ANPEP: variants seen among roughly 807,000 people sequenced by gnomAD.
ANPEP encodes alanyl aminopeptidase, membrane, also known as aminopeptidase N.
ANPEP carries 70 observed loss-of-function variants against 114.6 expected under a neutral mutation model. The observed-to-expected ratio is 0.61, with a 90% CI of 0.50 to 0.75. ANPEP has a LOEUF of 0.75. ANPEP is among the 30% of genes least tolerant of loss of function. The pLI is 0.00. For missense variants in ANPEP, 1,184 were observed against 1,259.5 expected, an observed-to-expected ratio of 0.94 and a Z score of 0.91; for synonymous variants, 548 against 522.3, an observed-to-expected ratio of 1.05 and a Z score of -0.67.
intron 4 of ANPEP, 56 bp from the exon 5 acceptor site, chr15:89,804,673 TG>T: frequency 6.3e-7 from 1 of 1,591,038 alleles, no homozygotes; most frequent in Non-Finnish European, 8.6e-7. Context: ...CTGGGGCAGG[TG>T]GGCTGGGTCC....
chr15:89,798,971 A>G (rs370719220), intron 14 of ANPEP, among the ~76,000 whole-genome samples: 35 of 144,106 alleles, frequency 2.4e-4, no homozygotes, highest in African/African-American at 7.5e-4. Flanking sequence ...AACAAACAAA[A>G]ACAAAAACAA....
Position 89,804,536 on chromosome 15 carries a change from A to G in ANPEP, c.979T>C (p.Phe327Leu), listed in dbSNP as rs200899610. The part of the protein sequence containing the change: ...ALNVTGPILN[F>L]FAGHYDTPYP... ...GGTGTGTCATAATGACCAGCAAAGAAGTTAAGGATGGGGCCCGTCACGTTC... is the reference window on the plus strand; with the variant it reads ...GGTGTGTCATAATGACCAGCAAAGAGGTTAAGGATGGGGCCCGTCACGTTC... Residue 327 changes from phenylalanine (F) to leucine (L), a missense_variant, in exon 5 of 21, where the codon TTC becomes CTC. By Grantham distance (22) the Phe-to-Leu change is conservative. Coordinates refer to ENST00000300060, the MANE Select transcript of ANPEP (RefSeq NM_001150.3). The G allele has an allele frequency of 7.8e-5, 126 of 1,614,166 alleles. 2 individuals carry two copies. In the East Asian group the frequency reaches 2.8e-3, roughly 36 times the overall value.
At chr15:89,801,356 G>T in intron 11 of ANPEP, 79 bp downstream of exon 11, 1 of 1,572,970 alleles carries the variant, frequency 6.4e-7, no homozygotes, top group Non-Finnish European at 8.7e-7. Context: ...ACCACAGGAG[G>T]CCAGTCCTAC....
At chr15:89,790,926 T>C in intron 19 of ANPEP, 27 bp downstream of exon 19, 1 of 1,611,084 alleles carries the variant, frequency 6.2e-7, no homozygotes, top group African/African-American at 1.3e-5. Flanking sequence ...GCGCTCGCTG[T>C]CCCTGACACC....
intron 19 of ANPEP, 134 bp from the exon 20 acceptor site, chr15:89,790,675 G>T (rs1596160567): frequency 3.6e-6 from 3 of 840,558 alleles, no homozygotes; most frequent in Non-Finnish European, 5.8e-6. Flanking sequence ...ACTAGGATGT[G>T]GGGGAGTCAC....
chr15:89,799,336 T>A lies in ANPEP; in HGVS notation c.1954-21A>T. The A allele has an allele frequency of 6.2e-7, 1 of 1,614,194 alleles. No individual in the cohort carries two copies. Among genetic ancestry groups the A allele is most frequent in the South Asian group, 1.1e-5 (1 of 91,088 alleles). ...ATGGCCTAGAATGCGAAGCACAGCA[T>A]GTGACCATGGGTTGGCTGTGGGTGG... On this transcript the variant is annotated intron_variant, in intron 13 of 20. Coordinates refer to ENST00000300060, the MANE Select transcript of ANPEP (RefSeq NM_001150.3). The surrounding 1 kb of genome is among the most constrained non-coding windows in gnomAD (Gnocchi z 4.2).
Position 89,804,372 on chromosome 15 carries a change from T to C in ANPEP, c.1060A>G (p.Met354Val), listed in dbSNP as rs898376889. 6.2e-7 allele frequency: 1 copy of C among 1,614,212 alleles called. No individual in the cohort carries two copies. The highest frequency in any genetic ancestry group is 8.5e-7 in the Non-Finnish European group (1 of 1,180,042). Reference sequence around the variant, plus strand: ...TAGGTCACCAGTCCCCAGTTCTCCATGGCGCCGGCGTTGAAGTCTGGCAGG... The same window carrying C: ...TAGGTCACCAGTCCCCAGTTCTCCACGGCGCCGGCGTTGAAGTCTGGCAGG... ...IGLPDFNAGAMENWGLVTYRE... is the reference protein window; with the variant it reads ...IGLPDFNAGAVENWGLVTYRE... The change falls in exon 6 of 21, where the codon ATG becomes GTG. Residue 354 changes from methionine to valine, a missense_variant. Transcript: ENST00000300060.
In ANPEP at chr15:89,793,487, G is replaced by A. The variant is rs141502071; in HGVS notation, c.2158-361C>T. On this transcript the variant is annotated intron_variant, in intron 15 of 20. Coordinates refer to ENST00000300060, the MANE Select transcript of ANPEP (RefSeq NM_001150.3). ...AGGCTGAGGCGGGTGGATCCCCTGAGTCCAGGAGTTCGAGATCAGCCTGGG... is the reference window on the plus strand; with the variant it reads ...AGGCTGAGGCGGGTGGATCCCCTGAATCCAGGAGTTCGAGATCAGCCTGGG... 8.0e-4 allele frequency among the ~76,000 whole-genome samples: 121 copies of A among 152,158 alleles called. 2 individuals carry two copies. The highest frequency in any genetic ancestry group is 2.7e-3 in the African/African-American group (110 of 41,504).
At chr15:89,804,093 AG>A in intron 6 of ANPEP, 91 bp from the exon 7 acceptor site, 1 of 1,554,634 alleles carries the variant, frequency 6.4e-7, no homozygotes, top group Non-Finnish European at 8.8e-7. Flanking sequence ...GCCATCTGCC[AG>A]GCACAGTGGG....
intron 15 of ANPEP, among the ~76,000 whole-genome samples, chr15:89,793,718 A>AAT (rs1038672904): frequency 3.3e-5 from 5 of 151,976 alleles, no homozygotes; most frequent in Non-Finnish European, 5.9e-5. Flanking sequence ...AAAAAAAAAA[A>AAT]AAAAATTCCA....
At position 89,806,337 on chromosome 15, in the gene ANPEP, C is replaced by T. The variant is rs376501954; in HGVS notation, c.247G>A (p.Asp83Asn). 4.3e-5 allele frequency: 70 copies of T among 1,614,114 alleles called. 2 individuals carry two copies. The South Asian group carries it at 5.8e-4, about 13-fold the overall frequency. ...RYRLPNTLKP[D>N]SYRVTLRPYL... ...GGTCTCAGCGTCACCCGGTAGGAAT[C>T]GGGTTTCAGCGTGTTGGGGAGGCGG... The change falls in exon 2 of 21, where the codon GAT (aspartate) becomes AAT (asparagine). Residue 83 changes from aspartate to asparagine, a missense_variant. Coordinates refer to ENST00000300060, the MANE Select transcript of ANPEP (RefSeq NM_001150.3). This position sits in a 1 kb window ranked among gnomAD's most constrained non-coding sequence, Gnocchi z 5.7.
At chr15:89,792,757 C>T (rs28512252) in intron 16 of ANPEP, among the ~76,000 whole-genome samples, 195 bp from the exon 17 acceptor site, 50,008 of 151,796 alleles carry the variant, frequency 0.33, 8,619 homozygotes, top group African/African-American at 0.42. Flanking sequence ...CCCAGAAGGG[C>T]AGGAACAGGC....
rs896187356 is a variant in ANPEP, at chr15:89,799,154, C to T, written c.2009+106G>A. On this transcript the variant is annotated intron_variant, in intron 14 of 20. Coordinates refer to ENST00000300060, the MANE Select transcript of ANPEP (RefSeq NM_001150.3). The surrounding 1 kb of genome is among the most constrained non-coding windows in gnomAD (Gnocchi z 4.2). ...GAGCACAGGAGCTCAGGGCACAGCA[C>T]GTGGCATATGGGAAGGGCAGCAGGA... 1.9e-5 allele frequency: 25 copies of T among 1,309,728 alleles called. No individual in the cohort carries two copies. The highest frequency in any genetic ancestry group is 2.9e-5 in the African/African-American group (2 of 69,084). 81.1% of individuals were successfully genotyped at this position (1,309,728 alleles called of 1,614,324 possible).
At chr15:89,813,071 C>T (rs1030671034) in intron 1 of ANPEP, among the ~76,000 whole-genome samples, 2 of 152,104 alleles carry the variant, frequency 1.3e-5, no homozygotes, top group Non-Finnish European at 2.9e-5. Context: ...GTGACAGGCA[C>T]CCGGGGTGAA....
intron 20 of ANPEP, among the ~76,000 whole-genome samples, chr15:89,786,792 C>A (rs1968515122): frequency 6.6e-6 from 1 of 151,802 alleles, no homozygotes; most frequent in African/African-American, 2.4e-5. Flanking sequence ...CATAAGGATG[C>A]AAATATAGAT....
At chr15:89,804,078 G>T in intron 6 of ANPEP, 76 bp from the exon 7 acceptor site, 1 of 1,572,514 alleles carries the variant, frequency 6.4e-7, no homozygotes, top group Non-Finnish European at 8.7e-7. Context: ...CCCTCCCCAG[G>T]GCTGGCCATC....
In ANPEP at chr15:89,799,435, T is replaced by C; in HGVS notation, c.1944A>G (p.Arg648=). The C allele has an allele frequency of 6.2e-7, 1 of 1,614,158 alleles. No homozygotes were observed. Among genetic ancestry groups the C allele is most frequent in the Non-Finnish European group, 8.5e-7 (1 of 1,180,020 alleles). ...GGTGGCAGACACTCACCGAGTGGTC[T>C]CTCTGCAGCTGAGTCTGAATCTTCC... ...NWRKIQTQLQ[R]DHSAIPVINR... Residue 648 remains arginine (R), a synonymous_variant, in exon 13 of 21, where the codon AGA becomes AGG. Transcript: ENST00000300060. The surrounding 1 kb of genome is among the most constrained non-coding windows in gnomAD (Gnocchi z 4.2).
At chr15:89,802,033 T>G (rs1596167154) in intron 10 of ANPEP, among the ~76,000 whole-genome samples, 1 of 151,622 alleles carries the variant, frequency 6.6e-6, no homozygotes, top group African/African-American at 2.4e-5. Flanking sequence ...CGGACTGGGG[T>G]GTGGGGCGGG....
rs943982739 is a variant in ANPEP, at chr15:89,805,231, A to T, written c.758-14T>A. ...GGGTGCTGGGACCTGGGCAGGGAGC[A>T]TGTGTGTGTGAGGACGTACCCTCCT... On this transcript the variant is annotated splice_polypyrimidine_tract_variant and intron_variant, in intron 3 of 20. Transcript: ENST00000300060. The T allele has an allele frequency of 1.2e-6, 2 of 1,614,154 alleles. No homozygotes were observed. Among genetic ancestry groups the T allele is most frequent in the South Asian group, 2.2e-5 (2 of 91,078 alleles).
Sources: gnomAD v4.1 joint callset for allele counts (sites outside exome capture counted in the v4.1 genomes callset) on GRCh38, gnomAD v4.1.1 for gene constraint, Gnocchi (gnomAD v3.1) non-coding constraint, MANE v1.5 for transcripts, NCBI Gene and HGNC (gene_info 2026-07-23, HGNC 2026-07-21) for gene names.